QKI: variants seen among roughly 807,000 people sequenced by gnomAD.
QKI encodes KH domain-containing RNA-binding protein QKI.
A neutral mutation model predicts 39.0 loss-of-function variants in QKI; 10 were observed. The observed-to-expected ratio is 0.26, with a 90% CI of 0.16 to 0.43. The LOEUF is 0.43. Among genes scored for constraint, QKI ranks in the 20% least tolerant of loss-of-function variants. The pLI, the probability that QKI is intolerant of heterozygous loss-of-function variation, is 1.00. For synonymous variants in QKI, 204 were observed against 155.4 expected, an observed-to-expected ratio of 1.31 and a Z score of -2.33; for missense variants, 218 against 428.0, an observed-to-expected ratio of 0.51 and a Z score of 4.33.
intron 1 of QKI, among the ~76,000 whole-genome samples, chr6:163,453,121 ATTTG>A (rs1335167766): frequency 1.3e-5 from 2 of 151,316 alleles, no homozygotes; most frequent in Non-Finnish European, 1.5e-5. Context: ...AGTTTGATAA[ATTTG>A]TTTATCTGGA....
At chr6:163,535,430 T>C (rs1049689569) in intron 4 of QKI, among the ~76,000 whole-genome samples, 32 of 152,042 alleles carry the variant, frequency 2.1e-4, no homozygotes, top group African/African-American at 7.7e-4. Context: ...TTCCCCCATC[T>C]CTTCCCTCTG....
intron 3 of QKI, among the ~76,000 whole-genome samples, chr6:163,488,958 T>C (rs970571231): frequency 1.1e-4 from 17 of 149,326 alleles, no homozygotes; most frequent in African/African-American, 4.2e-4. Context: ...TAGTTTTTGG[T>C]TTATCCTTCC....
At chr6:163,465,780 C>T (rs114689991) in intron 2 of QKI, among the ~76,000 whole-genome samples, 4,233 of 152,020 alleles carry the variant, frequency 0.028, 191 homozygotes, top group African/African-American at 0.096. Context: ...CAAAAATCAA[C>T]ATACAAAAAT....
intron 1 of QKI, among the ~76,000 whole-genome samples, chr6:163,422,137 A>T (rs1481419302): frequency 6.6e-6 from 1 of 152,222 alleles, no homozygotes; most frequent in East Asian, 1.9e-4. Context: ...TAAAAAATAT[A>T]TTGCAGAAGT....
chr6:163,553,904 C>G (rs1272955599), intron 4 of QKI, among the ~76,000 whole-genome samples: 2 of 152,200 alleles, frequency 1.3e-5, no homozygotes, highest in African/African-American at 2.4e-5. Flanking sequence ...GTGCCTGACA[C>G]TTTCCCTCTA....
chr6:163,429,353 A>C (rs796749025), intron 1 of QKI, among the ~76,000 whole-genome samples: 4 of 152,148 alleles, frequency 2.6e-5, no homozygotes, highest in African/African-American at 9.6e-5. Flanking sequence ...GTCCCCCCCC[A>C]CCAGTGTTTA....
chr6:163,422,154 T>C (rs1227667296), intron 1 of QKI, among the ~76,000 whole-genome samples: 1 of 152,220 alleles, frequency 6.6e-6, no homozygotes, highest in East Asian at 1.9e-4. Flanking sequence ...AAGTGATTTA[T>C]CTAGAATTCT....
At chr6:163,519,812 T>C (rs1780039574) in intron 3 of QKI, among the ~76,000 whole-genome samples, 1 of 152,110 alleles carries the variant, frequency 6.6e-6, no homozygotes, top group Non-Finnish European at 1.5e-5. Flanking sequence ...TTTTATATAG[T>C]TGTTATATAA....
intron 1 of QKI, 104 bp downstream of exon 1, chr6:163,415,439 C>T (rs1562406801): frequency 8.4e-6 from 10 of 1,186,670 alleles, no homozygotes; most frequent in African/African-American, 1.6e-5. Flanking sequence ...CCGGGCGGGA[C>T]CGAGCGCCGG....
intron 1 of QKI, among the ~76,000 whole-genome samples, chr6:163,445,182 T>G (rs1790052937): frequency 6.6e-6 from 1 of 152,206 alleles, no homozygotes; most frequent in African/African-American, 2.4e-5. Context: ...ATAATGTGGA[T>G]GTTAACTCAT....
At chr6:163,562,338 T>C (rs577310759) in intron 5 of QKI, among the ~76,000 whole-genome samples, 22 of 152,214 alleles carry the variant, frequency 1.4e-4, no homozygotes, top group African/African-American at 4.1e-4. Flanking sequence ...TTCAAGTGTT[T>C]AAGAAATTTT....
chr6:163,568,830 T>TTA, intron 7 of QKI: 1 of 985,772 alleles, frequency 1.0e-6, no homozygotes, highest in South Asian at 4.7e-5. Context: ...TGAAGCCTAT[T>TTA]AGAGACCAAC....
At chr6:163,523,600 A>G (rs1001076241) in intron 3 of QKI, among the ~76,000 whole-genome samples, 3 of 152,236 alleles carry the variant, frequency 2.0e-5, no homozygotes, top group Non-Finnish European at 4.4e-5. Flanking sequence ...GATAGTATGC[A>G]TATATGTTGA....
intron 2 of QKI, chr6:163,457,362 C>G (rs1790995914): frequency 8.8e-6 from 4 of 455,876 alleles, no homozygotes; most frequent in South Asian, 6.2e-5. Context: ...TCACTATATT[C>G]CTTTCCTTCC....
At position 163,568,386 on chromosome 6, in the gene QKI, T is replaced by C. The variant is rs6936664; in HGVS notation, c.1009+1591T>C. ...TTGGACATATTTTAGGAAGATTTTA[T>C]TGTATTTGGAAAATTACGACACATT... On this transcript the variant is annotated intron_variant, in intron 7 of 7. Transcript: ENST00000361752. 0.011 allele frequency: 10,566 copies of C among 985,430 alleles called. 896 individuals are homozygous for C. The African/African-American group carries it at 0.17, about 16-fold the overall frequency. The allele number at this position is 985,430 out of a possible 1,614,324, so 61.0% of individuals were successfully genotyped here. A position where few individuals can be genotyped will look rare whatever the true frequency, so the allele number is the denominator to read the frequency against.
intron 2 of QKI, 71 bp from the exon 3 acceptor site, chr6:163,478,709 A>G (rs976159054): frequency 2.3e-5 from 23 of 988,732 alleles, no homozygotes; most frequent in African/African-American, 5.0e-5. Flanking sequence ...ATGTAGATAT[A>G]CTTTATATTT....
intron 1 of QKI, among the ~76,000 whole-genome samples, chr6:163,418,368 A>T (rs1011726208): frequency 1.3e-5 from 2 of 152,118 alleles, no homozygotes; most frequent in African/African-American, 2.4e-5. Flanking sequence ...TGGTTTTCCC[A>T]GTTGATGAAG....
chr6:163,574,285 A>T lies in QKI; in HGVS notation c.*3575A>T, dbSNP rs1209641373. On this transcript the variant is annotated 3_prime_UTR_variant, in exon 8 of 8. Transcript: ENST00000361752. ...ATTTTATGGTCACATTGTAAAGCAG[A>T]GAAACTGTTGATATTTTACCTTTAT... The T allele has an allele frequency of 4.6e-5, 7 of 152,208 alleles. No homozygotes were observed. The highest frequency in any genetic ancestry group is 8.8e-5 in the Non-Finnish European group (6 of 68,036). 9.4% of individuals were successfully genotyped at this position (152,208 alleles called of 1,614,324 possible). A position where few individuals can be genotyped will look rare whatever the true frequency, so the allele number is the denominator to read the frequency against.
intron 4 of QKI, among the ~76,000 whole-genome samples, chr6:163,561,335 A>G (rs1183171006): frequency 6.6e-6 from 1 of 152,180 alleles, no homozygotes; most frequent in South Asian, 2.1e-4. Context: ...GGCTGGGTGC[A>G]GTGGCTCACA....
Sources: allele counts gnomAD v4.1 joint callset (sites outside exome capture counted in the v4.1 genomes callset), GRCh38; gene constraint gnomAD v4.1.1; transcripts MANE v1.5; gene names NCBI Gene and HGNC (gene_info 2026-07-23, HGNC 2026-07-21).